The following CDK14 variants were observed in gnomAD, a reference collection of about 807,000 sequenced individuals.
CDK14 encodes cyclin dependent kinase 14.
A neutral mutation model predicts 60.7 loss-of-function variants in CDK14; 34 were observed. That is an observed-to-expected ratio of 0.56 (90% confidence interval 0.43 to 0.75). The LOEUF (loss-of-function observed/expected upper bound fraction) is 0.75, where lower values mean the gene tolerates loss of function less well. Ranked by LOEUF, CDK14 falls within the 30% of genes least tolerant of loss-of-function variation. The probability of loss-of-function intolerance (pLI) is 0.00; values close to 1 mark genes in which losing one functional copy is unlikely to be tolerated. For missense variants in CDK14, 482 were observed against 564.1 expected, an observed-to-expected ratio of 0.85 and a Z score of 1.47; for synonymous variants, 197 against 203.7, an observed-to-expected ratio of 0.97 and a Z score of 0.28.
chr7:91,005,208 T>C (rs1021261713), intron 10 of CDK14, among the ~76,000 whole-genome samples: 2 of 152,166 alleles, frequency 1.3e-5, no homozygotes, highest in Non-Finnish European at 2.9e-5. Flanking sequence ...TCCTGGGTTC[T>C]AGCAGGCTGA....
chr7:91,115,837 A>G (rs750107322), intron 13 of CDK14, among the ~76,000 whole-genome samples: 2 of 152,200 alleles, frequency 1.3e-5, no homozygotes, highest in African/African-American at 2.4e-5. Flanking sequence ...ATACATAGTA[A>G]TGTAATATCT....
At chr7:91,053,481 T>G (rs1323484837) in intron 11 of CDK14, among the ~76,000 whole-genome samples, 1 of 152,178 alleles carries the variant, frequency 6.6e-6, no homozygotes, top group Non-Finnish European at 1.5e-5. Context: ...TTGTGGCATC[T>G]TGGAAAAGAC....
chr7:91,078,223 A>C (rs1798380054), intron 11 of CDK14, among the ~76,000 whole-genome samples: 1 of 152,256 alleles, frequency 6.6e-6, no homozygotes, highest in Admixed American at 6.5e-5. Flanking sequence ...AAGGGAAAAG[A>C]AATTGGAAAC....
intron 12 of CDK14, among the ~76,000 whole-genome samples, chr7:91,091,507 A>ATATATATATATATATATATATATATG (rs1345059804): frequency 7.3e-6 from 1 of 137,458 alleles, no homozygotes; most frequent in African/African-American, 2.9e-5. Flanking sequence ...TATTTTATAT[A>ATATATATATATATATATATATATATG]TATATATATA....
rs982003967 is a variant in CDK14, at chr7:91,123,559, C to A, written c.*28+5351C>A. On this transcript the variant is annotated intron_variant, in intron 14 of 14. Transcript: ENST00000380050. ...ATGCATGATGCATATTATGAATATC[C>A]AAATGAGAAGAGGCCGGAATGCTAT... is the stretch of plus-strand genomic sequence containing the variant. Among the ~76,000 whole-genome samples, 21 of 152,198 alleles carry A rather than the reference C, an allele frequency of 1.4e-4. No individual in the cohort carries two copies. The South Asian group carries it at 4.4e-3, about 32-fold the overall frequency.
chr7:90,818,324 A>G (rs1789428168), intron 5 of CDK14, among the ~76,000 whole-genome samples: 1 of 152,216 alleles, frequency 6.6e-6, no homozygotes, highest in Non-Finnish European at 1.5e-5. Context: ...TTTACATCAC[A>G]CGATGGAAAA....
intron 10 of CDK14, among the ~76,000 whole-genome samples, chr7:91,010,425 A>G (rs188999692): frequency 1.4e-3 from 213 of 152,206 alleles, no homozygotes; most frequent in African/African-American, 4.8e-3. Context: ...TATTTATTCT[A>G]TAATATCTCA....
chr7:90,687,369 A>G (rs1801458878), intron 2 of CDK14, among the ~76,000 whole-genome samples: 1 of 152,252 alleles, frequency 6.6e-6, no homozygotes, highest in South Asian at 2.1e-4. Context: ...AGCAGGTCTG[A>G]ACTTCTGGAC....
intron 14 of CDK14, among the ~76,000 whole-genome samples, chr7:91,139,606 T>C (rs1176981195): frequency 2.6e-5 from 4 of 152,168 alleles, no homozygotes; most frequent in Non-Finnish European, 5.9e-5. Context: ...ACCTAAGATA[T>C]TTTTCAACAA....
At chr7:91,046,354 A>AT (rs998394821) in intron 11 of CDK14, among the ~76,000 whole-genome samples, 1 of 152,158 alleles carries the variant, frequency 6.6e-6, no homozygotes, top group Admixed American at 6.5e-5. Flanking sequence ...TCATATTTTT[A>AT]TTTTTTTACA....
chr7:90,614,617 A>T (rs554025699), intron 2 of CDK14, among the ~76,000 whole-genome samples: 36 of 151,974 alleles, frequency 2.4e-4, no homozygotes, highest in Non-Finnish European at 3.2e-4. Flanking sequence ...TAATTTTTTT[A>T]AAAAAATAAT....
intron 2 of CDK14, among the ~76,000 whole-genome samples, chr7:90,651,131 A>C (rs373396240): frequency 6.6e-6 from 1 of 152,096 alleles, no homozygotes; most frequent in East Asian, 1.9e-4. Context: ...CTTTTGTTTC[A>C]TTGAGCAGTG....
intron 11 of CDK14, among the ~76,000 whole-genome samples, chr7:91,058,821 G>C (rs1472811751): frequency 6.6e-6 from 1 of 152,148 alleles, no homozygotes; most frequent in Non-Finnish European, 1.5e-5. Context: ...TTTTATTGAG[G>C]ATTTTTGCAT....
intron 10 of CDK14, among the ~76,000 whole-genome samples, chr7:91,027,789 CCCCTCCCCTCCCCTCCCCTT>C (rs1161001122): frequency 2.7e-4 from 2 of 7,410 alleles, no homozygotes; most frequent in Non-Finnish European, 4.8e-4. Flanking sequence ...CCCCTCCCCT[CCCCTCCCCTCCCCTCCCCTT>C]CCCTCTCCTC....
intron 2 of CDK14, among the ~76,000 whole-genome samples, chr7:90,643,435 A>G (rs929928999): frequency 2.0e-5 from 3 of 152,096 alleles, no homozygotes; most frequent in African/African-American, 7.2e-5. Context: ...ATTTTTCATC[A>G]TATTTTTACA....
At chr7:90,981,913 C>G (rs1160427527) in intron 9 of CDK14, among the ~76,000 whole-genome samples, 1 of 152,084 alleles carries the variant, frequency 6.6e-6, no homozygotes, top group East Asian at 1.9e-4. Flanking sequence ...GAATGTGTAG[C>G]CATTCATGCT....
intron 4 of CDK14, among the ~76,000 whole-genome samples, chr7:90,784,034 G>A (rs560533611): frequency 1.6e-3 from 242 of 152,264 alleles, no homozygotes; most frequent in Non-Finnish European, 2.7e-3. Context: ...ACAAGTGTCC[G>A]TCAGTGGATG....
At chr7:90,656,081 A>G (rs747736836) in intron 2 of CDK14, among the ~76,000 whole-genome samples, 10 of 152,218 alleles carry the variant, frequency 6.6e-5, no homozygotes, top group Non-Finnish European at 1.5e-4. Flanking sequence ...ACTTCCAGGC[A>G]TAATTACCTG....
intron 3 of CDK14, among the ~76,000 whole-genome samples, chr7:90,741,836 ACCTTT>A (rs1365691122): frequency 6.6e-6 from 1 of 151,994 alleles, no homozygotes; most frequent in Non-Finnish European, 1.5e-5. Flanking sequence ...TGAATTTGGA[ACCTTT>A]CCTTTGTTAC....
Sources: gnomAD v4.1 joint callset for allele counts (sites outside exome capture counted in the v4.1 genomes callset) on GRCh38, gnomAD v4.1.1 for gene constraint, MANE v1.5 for transcripts, NCBI Gene and HGNC (gene_info 2026-07-23, HGNC 2026-07-21) for gene names.